The following PSD3 variants were observed in gnomAD, a reference collection of about 807,000 sequenced individuals.
PSD3 encodes the protein PH and SEC7 domain-containing protein 3.
In PSD3, 49 loss-of-function variants were observed where a neutral mutation model predicts 105.5. The observed-to-expected ratio is 0.46, with a 90% CI of 0.37 to 0.59. The LOEUF is 0.59. Ranked by LOEUF, PSD3 falls within the 20% of genes least tolerant of loss-of-function variation. The pLI is 0.00. For synonymous variants in PSD3, 557 were observed against 457.8 expected (o/e 1.22, Z -2.77); for missense variants, 1,561 against 1,263.8 (o/e 1.24, Z -3.57).
chr8:19,032,306 T>C lies in PSD3; in HGVS notation c.324+51900A>G, dbSNP rs142895446. Among the ~76,000 whole-genome samples the C allele has an allele frequency of 6.7e-3, 1,019 of 152,200 alleles. 9 individuals are homozygous for C. Among genetic ancestry groups the C allele is most frequent in the African/African-American group, 0.023 (972 of 41,532 alleles). On this transcript the variant is annotated intron_variant, in intron 1 of 1. Coordinates refer to the PSD3 transcript ENST00000521475. ...AAGTGAGATGTGGTTTATCTGCCTA[T>C]CACTCGTGTTCATATGTTAAATAAA... is the stretch of plus-strand genomic sequence containing the variant.
At chr8:18,955,901 T>C (rs1044564054) in intron 1 of PSD3, among the ~76,000 whole-genome samples, 1 of 152,110 alleles carries the variant, frequency 6.6e-6, no homozygotes, top group African/African-American at 2.4e-5. Context: ...CCCAAGTTGC[T>C]AGGACTACAG....
At chr8:18,575,805 G>A (rs1023263494) in intron 12 of PSD3, among the ~76,000 whole-genome samples, 17 of 152,080 alleles carry the variant, frequency 1.1e-4, no homozygotes, top group African/African-American at 4.1e-4. Context: ...AAAATGAATA[G>A]TAAAATAAAA....
chr8:19,060,647 A>AAC (rs1437514074), intron 1 of PSD3, among the ~76,000 whole-genome samples: 2 of 152,188 alleles, frequency 1.3e-5, no homozygotes, highest in Non-Finnish European at 2.9e-5. Context: ...CAACAACAAC[A>AAC]ACAGCAACAA....
chr8:18,776,703 CT>C lies in PSD3; in HGVS notation c.2083-11166del, dbSNP rs1808129779. The stretch of plus-strand genomic sequence containing the variant: ...GTTCTTCTTTAAATGTCTGACAGAA[CT>C]GAGCAGTGAAACTGTCAGATCATGA... On this transcript the variant is annotated intron_variant, in intron 8 of 15. Transcript: ENST00000327040. Among the ~76,000 whole-genome samples, 4 of 152,254 alleles carry C rather than the reference CT, an allele frequency of 2.6e-5. No homozygotes were observed. The South Asian group carries it at 8.3e-4, about 32-fold the overall frequency.
At chr8:18,583,337 G>T (rs570482732) in intron 12 of PSD3, among the ~76,000 whole-genome samples, 21 of 152,206 alleles carry the variant, frequency 1.4e-4, no homozygotes, top group African/African-American at 4.6e-4. Context: ...GCTGAAGTTG[G>T]AGGACTGCTT....
intron 2 of PSD3, chr8:18,924,798 T>C (rs1821258261): frequency 6.6e-6 from 1 of 152,220 alleles, no homozygotes; most frequent in South Asian, 2.1e-4. Flanking sequence ...TTATTCAGCT[T>C]CTTCTTTGCA....
intron 4 of PSD3, among the ~76,000 whole-genome samples, chr8:18,822,294 A>C (rs1812809222): frequency 1.3e-5 from 2 of 152,132 alleles, no homozygotes; most frequent in Admixed American, 6.5e-5. Context: ...GCATAGCCCT[A>C]AATAAAGTCT....
chr8:19,050,348 A>C (rs1199197562), intron 1 of PSD3, among the ~76,000 whole-genome samples: 1 of 152,202 alleles, frequency 6.6e-6, no homozygotes, highest in African/African-American at 2.4e-5. Context: ...GGCTTAGAAA[A>C]TACAGAAAAA....
intron 12 of PSD3, among the ~76,000 whole-genome samples, chr8:18,577,696 C>T (rs116670131): frequency 0.011 from 1,711 of 152,132 alleles, 34 homozygotes; most frequent in African/African-American, 0.039. Context: ...ATCTATTCCT[C>T]ACCCACATCA....
At chr8:18,592,196 G>T (rs1803663079) in intron 12 of PSD3, among the ~76,000 whole-genome samples, 1 of 151,940 alleles carries the variant, frequency 6.6e-6, no homozygotes, top group African/African-American at 2.4e-5. Context: ...AATATTTAAG[G>T]GAACTAAATA....
chr8:18,814,433 C>A (rs1392753467), intron 4 of PSD3, among the ~76,000 whole-genome samples: 1 of 152,188 alleles, frequency 6.6e-6, no homozygotes, highest in African/African-American at 2.4e-5. Flanking sequence ...GTACTTTTCA[C>A]CCATGTAGGG....
In PSD3 at chr8:18,974,252, C is replaced by T. The variant is rs140255106; in HGVS notation, c.22-38110G>A. Among the ~76,000 whole-genome samples the T allele has an allele frequency of 3.5e-4, 53 of 152,342 alleles. No individual in the cohort carries two copies. The East Asian group carries it at 9.8e-3, about 28-fold the overall frequency. On this transcript the variant is annotated intron_variant, in intron 1 of 15. Transcript: ENST00000327040. ...AAAGGCTCAAAAAGCCTTCCTCAAACTCAGACAGTGACTAAAAACATGTGG... is the reference window on the plus strand; with the variant it reads ...AAAGGCTCAAAAAGCCTTCCTCAAATTCAGACAGTGACTAAAAACATGTGG...
At chr8:19,021,537 A>G (rs1413129153) in intron 1 of PSD3, among the ~76,000 whole-genome samples, 1 of 147,822 alleles carries the variant, frequency 6.8e-6, no homozygotes, top group Non-Finnish European at 1.5e-5. Flanking sequence ...ATTGATTTAT[A>G]TTTTATTTGC....
intron 9 of PSD3, among the ~76,000 whole-genome samples, chr8:18,668,244 C>A (rs538921052): frequency 6.6e-6 from 1 of 152,220 alleles, no homozygotes; most frequent in South Asian, 2.1e-4. Flanking sequence ...GCTGTCACCT[C>A]TCACTGTGAT....
chr8:18,772,597 C>T (rs1372536128), intron 8 of PSD3, among the ~76,000 whole-genome samples: 2 of 152,160 alleles, frequency 1.3e-5, no homozygotes, highest in African/African-American at 2.4e-5. Flanking sequence ...TGACCTCCGC[C>T]TCCCAAGTTC....
chr8:18,664,302 C>T (rs1385666157), intron 9 of PSD3, among the ~76,000 whole-genome samples: 5 of 152,124 alleles, frequency 3.3e-5, no homozygotes, highest in Non-Finnish European at 7.3e-5. Flanking sequence ...AAGTGTTACT[C>T]CAGGGAACAC....
intron 8 of PSD3, among the ~76,000 whole-genome samples, chr8:18,782,775 A>G (rs1364140359): frequency 6.6e-6 from 1 of 152,184 alleles, no homozygotes; most frequent in Non-Finnish European, 1.5e-5. Context: ...CCCAAGCTAC[A>G]GCTTTGGGTG....
chr8:18,832,399 C>G (rs6992325), intron 4 of PSD3, among the ~76,000 whole-genome samples: 46,318 of 151,832 alleles, frequency 0.31, 7,556 homozygotes, highest in African/African-American at 0.37. Context: ...TGCATAGATT[C>G]ACATCAGGAT....
intron 9 of PSD3, among the ~76,000 whole-genome samples, chr8:18,688,717 C>T (rs1423088232): frequency 1.3e-5 from 2 of 152,150 alleles, no homozygotes; most frequent in Non-Finnish European, 2.9e-5. Flanking sequence ...ATGGGGTTCA[C>T]AACTAGATTC....
Sources: gnomAD v4.1 joint callset for allele counts (sites outside exome capture counted in the v4.1 genomes callset) on GRCh38, gnomAD v4.1.1 for gene constraint, MANE v1.5 for transcripts, NCBI Gene and HGNC (gene_info 2026-07-23, HGNC 2026-07-21) for gene names.